The following NFIB variants were observed in gnomAD, a reference collection of about 807,000 sequenced individuals.
NFIB encodes the protein nuclear factor I B.
A neutral mutation model predicts 61.5 loss-of-function variants in NFIB; 11 were observed. The observed-to-expected ratio is 0.18, with a 90% CI of 0.11 to 0.30. NFIB has a LOEUF of 0.30. Among genes scored for constraint, NFIB ranks in the 10% least tolerant of loss-of-function variants. The pLI, the probability that NFIB is intolerant of heterozygous loss-of-function variation, is 1.00. For synonymous variants in NFIB, 260 were observed against 216.5 expected, an observed-to-expected ratio of 1.20 and a Z score of -1.76; for missense variants, 471 against 608.9, an observed-to-expected ratio of 0.77 and a Z score of 2.38.
rs534299160 is a variant in NFIB at position 14,352,958 on chromosome 9, G to A, written c.109-45438C>T. ...AGTATGTCTTAAAGTAGAAGAGGAT[G>A]CTCATTTATTACTGAATCTTTGGAA... On this transcript the variant is annotated intron_variant, in intron 1 of 8. Transcript: ENST00000380934. Among the ~76,000 whole-genome samples the A allele has an allele frequency of 5.3e-5, 8 of 152,284 alleles. No individual in the cohort carries two copies. In the East Asian group the frequency reaches 1.4e-3, roughly 26 times the overall value.
chr9:14,266,422 T>A (rs934325371), intron 2 of NFIB, among the ~76,000 whole-genome samples: 1 of 151,686 alleles, frequency 6.6e-6, no homozygotes, highest in Non-Finnish European at 1.5e-5. Flanking sequence ...GAGACCCCCA[T>A]TTCTAGAAAA....
intron 2 of NFIB, among the ~76,000 whole-genome samples, chr9:14,193,514 C>T (rs1186844019): frequency 6.6e-6 from 1 of 152,150 alleles, no homozygotes; most frequent in African/African-American, 2.4e-5. Flanking sequence ...AGAGAAATGA[C>T]TTCAACATTA....
intron 1 of NFIB, among the ~76,000 whole-genome samples, chr9:14,391,304 T>G (rs1016295871): frequency 6.6e-6 from 1 of 151,840 alleles, no homozygotes; most frequent in African/African-American, 2.4e-5. Context: ...GGTAGGTAGT[T>G]AGGCAGACAA....
chr9:14,083,479 T>TAAAAA lies in NFIB; in HGVS notation c.*4825_*4829dup, dbSNP rs33918801. 2 of 135,544 alleles carry TAAAAA rather than the reference T, an allele frequency of 1.5e-5. No individual in the cohort carries two copies. Among genetic ancestry groups the TAAAAA allele is most frequent in the South Asian group, 3.3e-4 (1 of 3,026 alleles). The allele number at this position is 135,544 out of a possible 1,614,324, so 8.4% of individuals were successfully genotyped here. ...TATTGAACTTGAATAGCCTGCACAT[T>TAAAAA]AAAAAAAAAAAAAAAAAAAAAGTTT... On this transcript the variant is annotated 3_prime_UTR_variant, in exon 11 of 11. Coordinates refer to ENST00000380953, the MANE Select transcript of NFIB (RefSeq NM_001190737.2).
chr9:14,478,736 A>G, the NFIB span, among the ~76,000 whole-genome samples: 3 of 152,178 alleles, frequency 2.0e-5, no homozygotes, highest in African/African-American at 7.2e-5. Flanking sequence ...TATATTTAGC[A>G]TTTCTCTACA....
At chr9:14,423,520 G>C in the NFIB span, among the ~76,000 whole-genome samples, 459 of 152,224 alleles carry the variant, frequency 3.0e-3, 1 homozygote, top group African/African-American at 0.011. Flanking sequence ...ATTTACACAG[G>C]ACAGAAGAAA....
the NFIB span, among the ~76,000 whole-genome samples, chr9:14,466,188 T>C: frequency 6.6e-6 from 1 of 152,154 alleles, no homozygotes; most frequent in East Asian, 1.9e-4. Flanking sequence ...AAGGCCTGTC[T>C]GGGATGGTGC....
At chr9:14,315,946 G>C (rs1050194114), upstream of NFIB, among the ~76,000 whole-genome samples, 10 of 151,970 alleles carry the variant, frequency 6.6e-5, no homozygotes, top group Non-Finnish European at 1.2e-4. Context: ...CCGCTTCCAC[G>C]GGTACTGCTG....
the NFIB span, among the ~76,000 whole-genome samples, chr9:14,473,566 A>T: frequency 3.3e-5 from 5 of 152,240 alleles, no homozygotes; most frequent in Non-Finnish European, 5.9e-5. Flanking sequence ...TCCTCTCCCA[A>T]CATCACAGCC....
Position 14,175,163 on chromosome 9 carries a change from ATTTCTTTTT to A in NFIB, c.616+4555_616+4563del, listed in dbSNP as rs1170538818. Among the ~76,000 whole-genome samples, 12 of 102,162 alleles carry A rather than the reference ATTTCTTTTT, an allele frequency of 1.2e-4. 1 individual carries two copies. Among genetic ancestry groups the A allele is most frequent in the East Asian group, 5.5e-4 (2 of 3,664 alleles). 67.0% of individuals were successfully genotyped at this position (102,162 alleles called of 152,430 possible). ...TCTCAAAATTTTTATGACTTAAAGAATTTCTTTTTTTTTTTTTTTTTTTTGAGATGGAGT... is the reference window on the plus strand; with the variant it reads ...TCTCAAAATTTTTATGACTTAAAGAATTTTTTTTTTTTTTTGAGATGGAGT... On this transcript the variant is annotated intron_variant, in intron 3 of 10. Coordinates refer to ENST00000380953, the MANE Select transcript of NFIB (RefSeq NM_001190737.2).
chr9:14,241,221 T>C (rs1011440659), intron 2 of NFIB, among the ~76,000 whole-genome samples: 1 of 152,210 alleles, frequency 6.6e-6, no homozygotes, highest in East Asian at 1.9e-4. Context: ...TAGTTATGTA[T>C]GCATAACGGA....
intron 10 of NFIB, chr9:14,096,749 G>A (rs780318778): frequency 6.6e-5 from 10 of 152,098 alleles, no homozygotes; most frequent in East Asian, 3.8e-4. Context: ...CTCCCCTATC[G>A]ATTCAAACGT....
chr9:14,431,957 G>A, the NFIB span, among the ~76,000 whole-genome samples: 3 of 152,208 alleles, frequency 2.0e-5, no homozygotes, highest in Non-Finnish European at 4.4e-5. Context: ...GTTGGTGGAA[G>A]TAGCCACCAA....
chr9:14,174,922 GATTAAAAAGTACTA>G (rs2045992203), intron 3 of NFIB, among the ~76,000 whole-genome samples: 1 of 152,036 alleles, frequency 6.6e-6, no homozygotes, highest in Non-Finnish European at 1.5e-5. Context: ...TTTATGTACA[GATTAAAAAGTACTA>G]AGTTTGTCCT....
intron 1 of NFIB, among the ~76,000 whole-genome samples, chr9:14,377,397 T>C (rs1308524004): frequency 6.6e-6 from 1 of 152,108 alleles, no homozygotes; most frequent in African/African-American, 2.4e-5. Context: ...TCTTTTATTT[T>C]TCCTAGAAAT....
intron 1 of NFIB, among the ~76,000 whole-genome samples, chr9:14,348,128 C>T (rs1367853746): frequency 6.6e-6 from 1 of 152,240 alleles, no homozygotes; most frequent in African/African-American, 2.4e-5. Flanking sequence ...GTGGTGCGCC[C>T]TCTGGGGCGT....
chr9:14,365,430 A>G (rs766725992), intron 1 of NFIB, among the ~76,000 whole-genome samples: 1 of 152,230 alleles, frequency 6.6e-6, no homozygotes, highest in Non-Finnish European at 1.5e-5. Context: ...TGGCCAGACC[A>G]TGGCTATTCT....
At chr9:14,498,771 C>T in the NFIB span, among the ~76,000 whole-genome samples, 2 of 40,616 alleles carry the variant, frequency 4.9e-5, no homozygotes, top group Non-Finnish European at 1.1e-4. Context: ...ATGGCCCTCC[C>T]TCCCTCCCTC....
intron 1 of NFIB, among the ~76,000 whole-genome samples, chr9:14,386,153 G>A (rs796836361): frequency 3.2e-4 from 48 of 152,220 alleles, no homozygotes; most frequent in African/African-American, 1.2e-3. Context: ...AATTTCATTA[G>A]GTTTTTGAGT....
Sources: gnomAD v4.1 joint callset for allele counts (sites outside exome capture counted in the v4.1 genomes callset) on GRCh38, gnomAD v4.1.1 for gene constraint, MANE v1.5 for transcripts, NCBI Gene and HGNC (gene_info 2026-07-23, HGNC 2026-07-21) for gene names.